VWA3B: variants seen among roughly 807,000 people sequenced by gnomAD.
The protein encoded by VWA3B is von Willebrand factor A domain containing 3B.
A neutral mutation model predicts 158.3 loss-of-function variants in VWA3B; 138 were observed. The ratio of observed to expected loss-of-function variants is 0.87; its 90% CI spans 0.76 to 1.00. The LOEUF is 1.00. Among genes scored for constraint, VWA3B ranks in the 50% least tolerant of loss-of-function variants. VWA3B has a pLI of 0.00. For synonymous variants in VWA3B, 596 were observed against 587.3 expected, an observed-to-expected ratio of 1.01 and a Z score of -0.21; for missense variants, 1,555 against 1,565.1, an observed-to-expected ratio of 0.99 and a Z score of 0.11.
intron 8 of VWA3B, among the ~76,000 whole-genome samples, chr2:98,170,315 T>C (rs756003308): frequency 2.6e-4 from 40 of 152,216 alleles, no homozygotes; most frequent in Non-Finnish European, 4.0e-4. Flanking sequence ...GCTTTAATCA[T>C]GAACAAAGAC....
chr2:98,167,144 G>A lies in VWA3B; in HGVS notation c.1114+4168G>A, dbSNP rs562854145. On this transcript the variant is annotated intron_variant, in intron 8 of 27. Transcript: ENST00000477737. ...GAGAGATGGTGGCCAGCGGGACAGGGAAGGGGCGGATTGGAGGAGATCTAG... is the reference window on the plus strand; with the variant it reads ...GAGAGATGGTGGCCAGCGGGACAGGAAAGGGGCGGATTGGAGGAGATCTAG... 2.0e-5 allele frequency among the ~76,000 whole-genome samples: 3 copies of A among 152,284 alleles called. No individual in the cohort carries two copies. The East Asian group carries it at 5.8e-4, about 29-fold the overall frequency.
At chr2:98,173,324 A>G (rs1679750726) in intron 8 of VWA3B, among the ~76,000 whole-genome samples, 1 of 152,226 alleles carries the variant, frequency 6.6e-6, no homozygotes, top group South Asian at 2.1e-4. Flanking sequence ...GAATGCCTTT[A>G]TATATGTAGA....
In VWA3B at chr2:98,101,622, G is replaced by A. The variant is rs75193161; in HGVS notation, c.196+8334G>A. Among the ~76,000 whole-genome samples the A allele has an allele frequency of 5.1e-3, 772 of 152,298 alleles. 16 individuals carry two copies. The East Asian group carries it at 0.088, about 17-fold the overall frequency. On this transcript the variant is annotated intron_variant, in intron 2 of 27. Transcript: ENST00000477737. ...GTACTAAGGAAGATCTAGGGGATGT[G>A]GTTGTTGTAGATTGATTTGGAGGCC... is the stretch of plus-strand genomic sequence containing the variant.
At chr2:98,221,741 G>A (rs2105632355) in intron 14 of VWA3B, among the ~76,000 whole-genome samples, 1 of 152,276 alleles carries the variant, frequency 6.6e-6, no homozygotes, top group East Asian at 1.9e-4. Context: ...GGCAGGAGCA[G>A]CAGTGCTCTG....
chr2:98,148,027 A>G (rs1474682982), intron 7 of VWA3B, among the ~76,000 whole-genome samples: 2 of 152,192 alleles, frequency 1.3e-5, no homozygotes, highest in Admixed American at 1.3e-4. Flanking sequence ...TGTCCCTACA[A>G]AGGACAGGAA....
At chr2:98,175,426 T>C (rs1014993547) in intron 8 of VWA3B, among the ~76,000 whole-genome samples, 2 of 152,102 alleles carry the variant, frequency 1.3e-5, no homozygotes, top group African/African-American at 4.8e-5. Context: ...GTACAAAGTA[T>C]TGAAATGAGG....
intron 3 of VWA3B, among the ~76,000 whole-genome samples, chr2:98,115,980 C>G (rs1463471216): frequency 1.3e-5 from 2 of 151,952 alleles, no homozygotes; most frequent in Non-Finnish European, 2.9e-5. Flanking sequence ...AGATGAAAAC[C>G]TTTGCACATT....
intron 7 of VWA3B, among the ~76,000 whole-genome samples, chr2:98,136,708 G>C (rs984657766): frequency 3.8e-4 from 57 of 151,986 alleles, no homozygotes; most frequent in African/African-American, 1.3e-3. Context: ...CTTCCCAAAA[G>C]GCCCCACTCT....
chr2:98,273,324 C>T (rs1480866651), intron 22 of VWA3B, among the ~76,000 whole-genome samples: 1 of 152,160 alleles, frequency 6.6e-6, no homozygotes, highest in African/African-American at 2.4e-5. Flanking sequence ...CTTTCTTCTG[C>T]AAATCACATT....
At chr2:98,180,966 ATATGAATGGCTCATGCAG>A in intron 8 of VWA3B, 32 bp from the exon 9 acceptor site, 2 of 1,576,420 alleles carry the variant, frequency 1.3e-6, no homozygotes, top group Non-Finnish European at 1.7e-6. Context: ...TGGGGGTGTA[ATATGAATGGCTCATGCAG>A]TATGAATGGC....
In VWA3B at chr2:98,290,539, A is replaced by C; in HGVS notation, c.3074A>C (p.Lys1025Thr). Residue 1025 changes from lysine to threonine, a missense_variant, in exon 23 of 28, where the codon AAG becomes ACG. Lys to Thr is a moderately conservative substitution (Grantham distance 78). Transcript: ENST00000477737. Reference sequence around the variant, plus strand: ...CAGAAATTGCAAGGAAATCCAACAAAGAAAACCAAATCAAAAAGACCAGAT... The same window carrying C: ...CAGAAATTGCAAGGAAATCCAACAACGAAAACCAAATCAAAAAGACCAGAT... ...EQQKLQGNPT[K>T]KTKSKRPDPL... The C allele has an allele frequency of 1.3e-6, 2 of 1,583,094 alleles. No individual in the cohort carries two copies. The highest frequency in any genetic ancestry group is 4.5e-5 in the East Asian group (2 of 44,538).
chr2:98,122,623 T>A (rs1437880597), intron 5 of VWA3B, among the ~76,000 whole-genome samples: 1 of 152,170 alleles, frequency 6.6e-6, no homozygotes, highest in Non-Finnish European at 1.5e-5. Context: ...AATGGAACAT[T>A]CCCAGGCTCA....
intron 7 of VWA3B, among the ~76,000 whole-genome samples, chr2:98,155,555 A>G (rs890607555): frequency 1.3e-5 from 2 of 152,182 alleles, no homozygotes; most frequent in African/African-American, 2.4e-5. Flanking sequence ...GACTCAGGCA[A>G]TTGTTGCAAG....
intron 19 of VWA3B, among the ~76,000 whole-genome samples, chr2:98,237,053 G>A (rs1018541229): frequency 6.6e-6 from 1 of 152,228 alleles, no homozygotes; most frequent in Non-Finnish European, 1.5e-5. Flanking sequence ...GCATGCACCT[G>A]TAGCCCCAGC....
intron 22 of VWA3B, among the ~76,000 whole-genome samples, chr2:98,275,411 G>T (rs2105901206): frequency 6.6e-6 from 1 of 152,288 alleles, no homozygotes; most frequent in South Asian, 2.1e-4. Flanking sequence ...AATTTCAGGT[G>T]CTGGGAGAGG....
At chr2:98,326,261 T>A in the VWA3B span, among the ~76,000 whole-genome samples, 1 of 152,060 alleles carries the variant, frequency 6.6e-6, no homozygotes. Flanking sequence ...TAAAATAATA[T>A]TATGGACAAA....
intron 14 of VWA3B, among the ~76,000 whole-genome samples, chr2:98,221,913 T>G (rs1165685224): frequency 6.6e-6 from 1 of 152,084 alleles, no homozygotes; most frequent in Non-Finnish European, 1.5e-5. Flanking sequence ...AAGCTGAGCC[T>G]CTACAAAGAC....
rs149468873 is a variant in VWA3B at position 98,165,922 on chromosome 2, G to C, written c.1114+2946G>C. Among the ~76,000 whole-genome samples the C allele has an allele frequency of 2.2e-4, 33 of 152,342 alleles. No individual in the cohort carries two copies. In the East Asian group the frequency reaches 6.4e-3, roughly 29 times the overall value. ...ACCCAGCACCTCCGCCCGGCAAAGA[G>C]AATGGGGAGCCTGCTGCTAAGGCAT... On this transcript the variant is annotated intron_variant, in intron 8 of 27. Coordinates refer to ENST00000477737, the MANE Select transcript of VWA3B (RefSeq NM_144992.5).
intron 19 of VWA3B, chr2:98,242,218 C>G (rs1288940883): frequency 4.4e-6 from 2 of 455,930 alleles, no homozygotes; most frequent in Non-Finnish European, 4.4e-6. Flanking sequence ...TGTATGGGCT[C>G]TTTCTTCTTC....
Sources: gnomAD v4.1 joint callset for allele counts (sites outside exome capture counted in the v4.1 genomes callset) on GRCh38, gnomAD v4.1.1 for gene constraint, MANE v1.5 for transcripts, NCBI Gene and HGNC (gene_info 2026-07-23, HGNC 2026-07-21) for gene names.